The following PLA2G4A variants were observed in gnomAD, a reference collection of about 807,000 sequenced individuals.
PLA2G4A encodes the protein cytosolic phospholipase A2.
PLA2G4A carries 40 observed loss-of-function variants against 81.9 expected under a neutral mutation model. The observed-to-expected ratio is 0.49, with a 90% CI of 0.38 to 0.64. The LOEUF is 0.64. Among genes scored for constraint, PLA2G4A ranks in the 30% least tolerant of loss-of-function variants. PLA2G4A has a pLI of 0.00. For missense variants in PLA2G4A, 715 were observed against 905.1 expected (o/e 0.79, Z 2.69); for synonymous variants, 302 against 296.9 (o/e 1.02, Z -0.18).
At chr1:186,912,052 TCTC>T (rs945818647) in intron 7 of PLA2G4A, among the ~76,000 whole-genome samples, 1 of 152,060 alleles carries the variant, frequency 6.6e-6, no homozygotes, top group Non-Finnish European at 1.5e-5. Context: ...ACCTTTCTGT[TCTC>T]CTCAGGCCCT....
chr1:186,876,262 T>C (rs1314704421), intron 3 of PLA2G4A, among the ~76,000 whole-genome samples: 2 of 152,178 alleles, frequency 1.3e-5, no homozygotes, highest in Non-Finnish European at 2.9e-5. Context: ...ATATTCTAAA[T>C]ATGTGCAAAT....
chr1:186,861,617 T>C (rs1652806320), intron 2 of PLA2G4A, among the ~76,000 whole-genome samples: 1 of 152,156 alleles, frequency 6.6e-6, no homozygotes. Context: ...CAGTAGTGCC[T>C]CCAGACAATC....
intron 5 of PLA2G4A, among the ~76,000 whole-genome samples, chr1:186,902,701 G>A (rs1477595704): frequency 1.3e-5 from 2 of 151,708 alleles, no homozygotes; most frequent in African/African-American, 4.8e-5. Flanking sequence ...GCTCCCCACT[G>A]AGCACCTTGT....
At chr1:186,917,328 G>A (rs1558435386) in intron 7 of PLA2G4A, among the ~76,000 whole-genome samples, 1 of 152,156 alleles carries the variant, frequency 6.6e-6, no homozygotes, top group Non-Finnish European at 1.5e-5. Flanking sequence ...CTTGGGAAGT[G>A]CCTGGAAGCT....
chr1:186,845,386 T>G (rs1652135607), intron 1 of PLA2G4A, among the ~76,000 whole-genome samples: 2 of 152,224 alleles, frequency 1.3e-5, no homozygotes, highest in South Asian at 4.2e-4. Context: ...ATATATTTTC[T>G]TATTTCATCC....
At chr1:186,907,538 C>A (rs12720551) in intron 6 of PLA2G4A, among the ~76,000 whole-genome samples, 1 of 152,186 alleles carries the variant, frequency 6.6e-6, no homozygotes, top group Non-Finnish European at 1.5e-5. Context: ...TATTTTCAAA[C>A]GGCGAATTTT....
intron 3 of PLA2G4A, among the ~76,000 whole-genome samples, chr1:186,890,088 A>T (rs921880948): frequency 6.6e-6 from 1 of 152,244 alleles, no homozygotes; most frequent in African/African-American, 2.4e-5. Flanking sequence ...TAATGTGTGT[A>T]AAGTACTTAA....
chr1:186,853,460 A>C (rs1652448074), intron 1 of PLA2G4A, among the ~76,000 whole-genome samples: 1 of 151,920 alleles, frequency 6.6e-6, no homozygotes, highest in African/African-American at 2.4e-5. Context: ...AAGAAAGATC[A>C]CTAAAAATTT....
chr1:186,847,167 T>C (rs1377734978), intron 1 of PLA2G4A, among the ~76,000 whole-genome samples: 2 of 152,040 alleles, frequency 1.3e-5, no homozygotes, highest in Non-Finnish European at 2.9e-5. Context: ...ACCTACCTAT[T>C]TACTGTTACA....
intron 1 of PLA2G4A, among the ~76,000 whole-genome samples, chr1:186,843,162 A>C (rs1652049533): frequency 1.3e-5 from 2 of 152,170 alleles, no homozygotes; most frequent in South Asian, 4.1e-4. Context: ...TTAATCTCAA[A>C]AGTAGTGATA....
At chr1:186,840,538 T>C (rs1381218968) in intron 1 of PLA2G4A, among the ~76,000 whole-genome samples, 1 of 152,214 alleles carries the variant, frequency 6.6e-6, no homozygotes, top group Non-Finnish European at 1.5e-5. Context: ...CCTTCTGTGC[T>C]TCCGCAATTC....
At chr1:186,836,883 C>T (rs954929766) in intron 1 of PLA2G4A, among the ~76,000 whole-genome samples, 10 of 152,044 alleles carry the variant, frequency 6.6e-5, no homozygotes, top group Non-Finnish European at 1.5e-4. Context: ...TAGAGAATAA[C>T]ATGCAAAGGC....
intron 3 of PLA2G4A, among the ~76,000 whole-genome samples, chr1:186,880,845 A>G (rs1653705095): frequency 6.6e-6 from 1 of 152,012 alleles, no homozygotes; most frequent in Non-Finnish European, 1.5e-5. Context: ...TTCCAAAGAT[A>G]TGTTTTTTCC....
intron 4 of PLA2G4A, among the ~76,000 whole-genome samples, chr1:186,893,614 T>C (rs763380048): frequency 2.0e-5 from 3 of 152,108 alleles, no homozygotes; most frequent in Non-Finnish European, 4.4e-5. Flanking sequence ...AATTATTATC[T>C]TATAGCAAAC....
At chr1:186,897,292 T>G (rs1654366133) in intron 5 of PLA2G4A, among the ~76,000 whole-genome samples, 1 of 152,142 alleles carries the variant, frequency 6.6e-6, no homozygotes, top group African/African-American at 2.4e-5. Flanking sequence ...TTTATTCACT[T>G]GGAGTCGAAA....
rs142076103 is a variant in PLA2G4A at position 186,856,547 on chromosome 1, G to T, written c.33+2160G>T. On this transcript the variant is annotated intron_variant, in intron 2 of 17. Transcript: ENST00000367466. ...TGGGATTATAGGCGTCCACTACCAT[G>T]CCTGGCTAATTTTCTTGTATTTTTA... Among the ~76,000 whole-genome samples, 748 of 151,894 alleles carry T rather than the reference G, an allele frequency of 4.9e-3. 7 individuals are homozygous for T. The highest frequency in any genetic ancestry group is 0.018 in the South Asian group (88 of 4,814).
intron 1 of PLA2G4A, among the ~76,000 whole-genome samples, chr1:186,831,212 A>C (rs1271316036): frequency 6.6e-6 from 1 of 152,080 alleles, no homozygotes; most frequent in Non-Finnish European, 1.5e-5. Flanking sequence ...TTCATATTAC[A>C]TGAAAATGCA....
chr1:186,985,809 T>C (rs1389942111), intron 17 of PLA2G4A, among the ~76,000 whole-genome samples: 4 of 152,072 alleles, frequency 2.6e-5, no homozygotes, highest in Non-Finnish European at 5.9e-5. Flanking sequence ...AAGGGAAGGA[T>C]TTGGAATCCC....
chr1:186,832,561 G>A (rs1044073708), intron 1 of PLA2G4A, among the ~76,000 whole-genome samples: 1 of 152,126 alleles, frequency 6.6e-6, no homozygotes, highest in Non-Finnish European at 1.5e-5. Flanking sequence ...ATCAAACAGA[G>A]CAAATGACAA....
Sources: gnomAD v4.1 joint callset for allele counts (sites outside exome capture counted in the v4.1 genomes callset) on GRCh38, gnomAD v4.1.1 for gene constraint, MANE v1.5 for transcripts, NCBI Gene and HGNC (gene_info 2026-07-23, HGNC 2026-07-21) for gene names.